RFTN1: variants seen among roughly 807,000 people sequenced by gnomAD.
The protein encoded by RFTN1 is raftlin.
In RFTN1, 26 loss-of-function variants were observed where a neutral mutation model predicts 46.5. The observed-to-expected ratio is 0.56, with a 90% confidence interval of 0.41 to 0.78. The LOEUF (loss-of-function observed/expected upper bound fraction) is 0.78. Ranked by LOEUF, RFTN1 falls within the 30% of genes least tolerant of loss-of-function variation. The pLI, the probability that RFTN1 is intolerant of heterozygous loss-of-function variation, is 0.00. For missense variants in RFTN1, 693 were observed against 718.7 expected, an observed-to-expected ratio of 0.96 and a Z score of 0.41; for synonymous variants, 261 against 284.2, an observed-to-expected ratio of 0.92 and a Z score of 0.82.
rs78219776 is a variant in RFTN1, at chr3:16,342,133, A to G, written c.1147-15257T>C. Among the ~76,000 whole-genome samples the G allele has an allele frequency of 4.0e-3, 611 of 152,274 alleles. 5 individuals are homozygous for G. Among genetic ancestry groups the G allele is most frequent in the African/African-American group, 0.014 (589 of 41,534 alleles). ...TCAGAGTTATACAACCATCACCACAATCTAAGTTTAGACCACTTTCATCAC... is the reference window on the plus strand; with the variant it reads ...TCAGAGTTATACAACCATCACCACAGTCTAAGTTTAGACCACTTTCATCAC... On this transcript the variant is annotated intron_variant, in intron 7 of 9. Coordinates refer to ENST00000334133, the MANE Select transcript of RFTN1 (RefSeq NM_015150.2). The surrounding 1 kb of genome is among the most constrained non-coding windows in gnomAD (Gnocchi z 4.0).
At chr3:16,375,737 T>C (rs1451138956) in intron 5 of RFTN1, among the ~76,000 whole-genome samples, 5 of 152,188 alleles carry the variant, frequency 3.3e-5, no homozygotes, top group Non-Finnish European at 7.3e-5. Context: ...TCCCTCCTCC[T>C]GGCCTACCCG....
chr3:16,390,699 T>G (rs1341799510), intron 4 of RFTN1, among the ~76,000 whole-genome samples: 1 of 152,132 alleles, frequency 6.6e-6, no homozygotes, highest in Non-Finnish European at 1.5e-5. Flanking sequence ...GCTTGAAACT[T>G]AAAAAATATA....
rs114873191 is a variant in RFTN1, at chr3:16,353,419, A to T, written c.1146+4513T>A. Among the ~76,000 whole-genome samples the T allele has an allele frequency of 6.5e-3, 985 of 152,276 alleles. 12 individuals carry two copies. Among genetic ancestry groups the T allele is most frequent in the African/African-American group, 0.022 (922 of 41,550 alleles). ...CGGGGGAACCTGTCCCGGACTGGAC[A>T]TTGCTGGGCTGTGCTGGTTACAGAG... On this transcript the variant is annotated intron_variant, in intron 7 of 9. Coordinates refer to ENST00000334133, the MANE Select transcript of RFTN1 (RefSeq NM_015150.2). This position sits in a 1 kb window ranked among gnomAD's most constrained non-coding sequence, Gnocchi z 5.4.
chr3:16,404,210 T>A (rs182020674), intron 4 of RFTN1, among the ~76,000 whole-genome samples: 2 of 9,022 alleles, frequency 2.2e-4, no homozygotes, highest in South Asian at 3.5e-3. Context: ...TTTATATATA[T>A]TATATAATAT....
At chr3:16,463,642 A>C (rs1268469800) in intron 2 of RFTN1, among the ~76,000 whole-genome samples, 1 of 151,980 alleles carries the variant, frequency 6.6e-6, no homozygotes, top group Non-Finnish European at 1.5e-5. Flanking sequence ...TTTTTGCTAA[A>C]TATAATTCTA....
At position 16,428,868 on chromosome 3, in the gene RFTN1, G is replaced by T. The variant is rs2075334272; in HGVS notation, c.332+4983C>A. 6.6e-6 allele frequency among the ~76,000 whole-genome samples: 1 copy of T among 152,050 alleles called. No homozygotes were observed. The highest frequency in any genetic ancestry group is 1.5e-5 in the Non-Finnish European group (1 of 68,000). On this transcript the variant is annotated intron_variant, in intron 3 of 9. Transcript: ENST00000334133. The surrounding 1 kb of genome is among the most constrained non-coding windows in gnomAD (Gnocchi z 4.7). ...ACTTCTGTTAGCCATCAAGTTTCAA[G>T]ATCTTTAGCAACTCATTCTAAGGAA...
At chr3:16,467,727 G>A (rs1467212884) in intron 2 of RFTN1, among the ~76,000 whole-genome samples, 1 of 152,164 alleles carries the variant, frequency 6.6e-6, no homozygotes, top group African/African-American at 2.4e-5. Context: ...AAGCTTCAGG[G>A]GCATGCAAGT....
At chr3:16,328,944 C>T (rs917790554) in intron 7 of RFTN1, among the ~76,000 whole-genome samples, 10 of 152,216 alleles carry the variant, frequency 6.6e-5, no homozygotes, top group African/African-American at 2.4e-4. Flanking sequence ...AATTCTGCCA[C>T]ACTGCAAGGG....
chr3:16,383,611 G>C lies in RFTN1; in HGVS notation c.442-5509C>G, dbSNP rs773089055. ...GATTGTCTGTTTCTATGTCCAAAAT[G>C]AATACCATGTTGCTAATGATAAGTG... On this transcript the variant is annotated intron_variant, in intron 4 of 9. Coordinates refer to ENST00000334133, the MANE Select transcript of RFTN1 (RefSeq NM_015150.2). The surrounding 1 kb of genome is among the most constrained non-coding windows in gnomAD (Gnocchi z 4.0). Among the ~76,000 whole-genome samples, 1 of 152,168 alleles carries C rather than the reference G, an allele frequency of 6.6e-6. No homozygotes were observed. The highest frequency in any genetic ancestry group is 1.5e-5 in the Non-Finnish European group (1 of 68,032).
chr3:16,470,924 A>AGAT (rs1343230614), intron 2 of RFTN1, among the ~76,000 whole-genome samples: 31 of 152,370 alleles, frequency 2.0e-4, no homozygotes, highest in African/African-American at 7.5e-4. Context: ...AAGAATTTCC[A>AGAT]GATAACTATT....
chr3:16,332,984 A>G (rs2070478989), intron 7 of RFTN1, among the ~76,000 whole-genome samples: 1 of 152,218 alleles, frequency 6.6e-6, no homozygotes, highest in Non-Finnish European at 1.5e-5. Context: ...TCTGGTCGCA[A>G]CAGTTTTGCA....
Position 16,407,102 on chromosome 3 carries a change from T to C in RFTN1, c.441+2273A>G, listed in dbSNP as rs568271615. Among the ~76,000 whole-genome samples the C allele has an allele frequency of 6.6e-6, 1 of 152,326 alleles. No individual in the cohort carries two copies. The highest frequency in any genetic ancestry group is 2.1e-4 in the South Asian group (1 of 4,826). On this transcript the variant is annotated intron_variant, in intron 4 of 9. Transcript: ENST00000334133. This position sits in a 1 kb window ranked among gnomAD's most constrained non-coding sequence, Gnocchi z 4.0. Reference sequence around the variant, plus strand: ...CAAATCGGGCTGTTTCCTGAAGAACTGAGACAGGACCACTGCAATGGGTCA... The same window carrying C: ...CAAATCGGGCTGTTTCCTGAAGAACCGAGACAGGACCACTGCAATGGGTCA...
chr3:16,428,716 G>A lies in RFTN1; in HGVS notation c.332+5135C>T, dbSNP rs2075330950. On this transcript the variant is annotated intron_variant, in intron 3 of 9. Transcript: ENST00000334133. The surrounding 1 kb of genome is among the most constrained non-coding windows in gnomAD (Gnocchi z 4.7). ...GCCCCTAGCTCCATGTGTGTACAAC[G>A]ACAATTCAACAGCTGAAAAATGGCC... 6.6e-6 allele frequency among the ~76,000 whole-genome samples: 1 copy of A among 152,068 alleles called. No homozygotes were observed. Among genetic ancestry groups the A allele is most frequent in the African/African-American group, 2.4e-5 (1 of 41,392 alleles).
chr3:16,410,076 T>A lies in RFTN1; in HGVS notation c.333-593A>T, dbSNP rs1221606968. 6.6e-6 allele frequency among the ~76,000 whole-genome samples: 1 copy of A among 151,824 alleles called. No homozygotes were observed. Among genetic ancestry groups the A allele is most frequent in the Non-Finnish European group, 1.5e-5 (1 of 67,984 alleles). On this transcript the variant is annotated intron_variant, in intron 3 of 9. Coordinates refer to ENST00000334133, the MANE Select transcript of RFTN1 (RefSeq NM_015150.2). This position sits in a 1 kb window ranked among gnomAD's most constrained non-coding sequence, Gnocchi z 4.6. ...CCCGAAAGTAACGTCAAAAAGGCACTGATGAAAAATGGTTTATGGAAACTA... is the reference window on the plus strand; with the variant it reads ...CCCGAAAGTAACGTCAAAAAGGCACAGATGAAAAATGGTTTATGGAAACTA...
At chr3:16,438,032 C>T (rs919705308) in intron 2 of RFTN1, among the ~76,000 whole-genome samples, 2 of 151,926 alleles carry the variant, frequency 1.3e-5, no homozygotes, top group Admixed American at 6.5e-5. Flanking sequence ...AAATACTATC[C>T]AGCACCAAGA....
chr3:16,328,805 C>T (rs2069994425), intron 7 of RFTN1, among the ~76,000 whole-genome samples: 1 of 152,170 alleles, frequency 6.6e-6, no homozygotes, highest in African/African-American at 2.4e-5. Flanking sequence ...TCATGTAGGT[C>T]CCTCCTGGCA....
Position 16,316,892 on chromosome 3 carries a change from C to G in RFTN1, c.1673G>C (p.Gly558Ala). Reference sequence around the variant, plus strand: ...AGCATCCCCGTCCCTGGCATCCTCTCCAGGATTGGAGTGCCCAGTGCAAAT... The same window carrying G: ...AGCATCCCCGTCCCTGGCATCCTCTGCAGGATTGGAGTGCCCAGTGCAAAT... ...VGICTGHSNP[G>A]EDARDGDAEE... Residue 558 changes from glycine (G) to alanine (A), a missense_variant, in exon 10 of 10, where the codon GGA (glycine) becomes GCA (alanine). Physicochemically the swap from Gly to Ala is moderately conservative, Grantham distance 60. Transcript: ENST00000334133. This position sits in a 1 kb window ranked among gnomAD's most constrained non-coding sequence, Gnocchi z 4.5. The G allele has an allele frequency of 6.2e-7, 1 of 1,614,194 alleles. No individual in the cohort carries two copies. Among genetic ancestry groups the G allele is most frequent in the Non-Finnish European group, 8.5e-7 (1 of 1,180,042 alleles).
chr3:16,462,877 C>T (rs572902708), intron 2 of RFTN1, among the ~76,000 whole-genome samples: 58 of 152,220 alleles, frequency 3.8e-4, no homozygotes, highest in Non-Finnish European at 6.9e-4. Context: ...ATAAAGGTGC[C>T]TAAAAAACGG....
At chr3:16,358,677 G>A (rs565531727) in intron 6 of RFTN1, among the ~76,000 whole-genome samples, 89 of 152,112 alleles carry the variant, frequency 5.9e-4, no homozygotes, top group African/African-American at 1.9e-3. Flanking sequence ...TGCACAATTC[G>A]ACAAGTATAC....
Sources: allele counts gnomAD v4.1 joint callset (sites outside exome capture counted in the v4.1 genomes callset), GRCh38; gene constraint gnomAD v4.1.1; non-coding constraint Gnocchi (gnomAD v3.1); transcripts MANE v1.5; gene names NCBI Gene and HGNC (gene_info 2026-07-23, HGNC 2026-07-21).